TUT4: variants seen among roughly 807,000 people sequenced by gnomAD.
TUT4 encodes terminal uridylyltransferase 4.
In TUT4, 36 loss-of-function variants were observed where a neutral mutation model predicts 192.2. The ratio of observed to expected loss-of-function variants is 0.19; its 90% CI spans 0.14 to 0.25. The LOEUF (loss-of-function observed/expected upper bound fraction) is 0.25. Among genes scored for constraint, TUT4 ranks in the 10% least tolerant of loss-of-function variants. TUT4 has a pLI of 1.00. For synonymous variants in TUT4, 618 were observed against 666.0 expected (o/e 0.93, Z 1.11); for missense variants, 1,493 against 1,957.2 (o/e 0.76, Z 4.47).
At chr1:52,500,750 GA>G (rs1160687156) in intron 4 of TUT4, among the ~76,000 whole-genome samples, 2 of 151,762 alleles carry the variant, frequency 1.3e-5, no homozygotes, top group South Asian at 4.2e-4. Flanking sequence ...CAACAAGAAT[GA>G]AACTCTGTCT....
intron 28 of TUT4, 98 bp downstream of exon 28, chr1:52,430,915 C>T (rs1189233418): frequency 2.2e-6 from 3 of 1,370,866 alleles, no homozygotes; most frequent in East Asian, 4.7e-5. Flanking sequence ...GTCCCCTCCA[C>T]AAATACTGCT....
intron 16 of TUT4, chr1:52,462,781 G>A (rs1038902131): frequency 2.0e-6 from 2 of 985,056 alleles, no homozygotes; most frequent in Non-Finnish European, 2.4e-6. Context: ...AAATTTAAAT[G>A]TGTTACTCTT....
intron 25 of TUT4, chr1:52,437,739 G>A (rs1443619416): frequency 6.5e-6 from 1 of 152,830 alleles, no homozygotes; most frequent in Non-Finnish European, 1.5e-5. Context: ...CAGATCACGA[G>A]GTCAGGCGTT....
chr1:52,457,877 G>A (rs1661428209), intron 20 of TUT4, among the ~76,000 whole-genome samples: 1 of 152,148 alleles, frequency 6.6e-6, no homozygotes, highest in Admixed American at 6.5e-5. Context: ...AAGAGATAAG[G>A]AAGAGTTTCC....
intron 27 of TUT4, chr1:52,433,208 A>G (rs1194294809): frequency 6.6e-6 from 1 of 152,144 alleles, no homozygotes; most frequent in Admixed American, 6.6e-5. Context: ...AGCTGGGATG[A>G]CAGGTTCCCT....
chr1:52,552,227 C>T (rs1433403814), intron 1 of TUT4, among the ~76,000 whole-genome samples: 1 of 152,208 alleles, frequency 6.6e-6, no homozygotes, highest in Admixed American at 6.5e-5. Flanking sequence ...ACATCTCATT[C>T]TTTCGCAATC....
At chr1:52,468,414 T>G (rs1192309717) in intron 14 of TUT4, 147 bp from the exon 15 acceptor site, 2 of 605,974 alleles carry the variant, frequency 3.3e-6, no homozygotes, top group Non-Finnish European at 5.5e-6. Context: ...TAAATGTTAC[T>G]GGGGAAGGGT....
At position 52,497,238 on chromosome 1, in the gene TUT4, G is replaced by C. The variant is rs956181503; in HGVS notation, c.1000-55C>G. 1.1e-5 allele frequency: 16 copies of C among 1,469,456 alleles called. No homozygotes were observed. The South Asian group carries it at 1.1e-4, about 10-fold the overall frequency. The allele number at this position is 1,469,456 out of a possible 1,614,324, so 91.0% of individuals were successfully genotyped here. A position where few individuals can be genotyped will look rare whatever the true frequency, so the allele number is the denominator to read the frequency against. On this transcript the variant is annotated intron_variant, in intron 4 of 29. Coordinates refer to ENST00000257177, the MANE Select transcript of TUT4 (RefSeq NM_001009881.3). ...AACAAAAAAAGTTTCTATTTTAATT[G>C]TTCTTATATTTAGCAGGGAAAGACA...
At chr1:52,430,099 G>A (rs1029598102) in intron 28 of TUT4, among the ~76,000 whole-genome samples, 1 of 151,754 alleles carries the variant, frequency 6.6e-6, no homozygotes, top group Non-Finnish European at 1.5e-5. Flanking sequence ...TGAGATGATA[G>A]ATGATTTATT....
chr1:52,515,596 C>T (rs531854407), intron 3 of TUT4: 17 of 488,212 alleles, frequency 3.5e-5, no homozygotes, highest in African/African-American at 4.0e-5. Flanking sequence ...TTACCAAAAA[C>T]GGTGGGGAGA....
At chr1:52,434,161 T>C (rs1653002332) in intron 27 of TUT4, 1 of 152,228 alleles carries the variant, frequency 6.6e-6, no homozygotes, top group Non-Finnish European at 1.5e-5. Flanking sequence ...ACATAATAGG[T>C]ATTCAAGTGT....
chr1:52,453,726 C>T (rs142414675), intron 20 of TUT4, among the ~76,000 whole-genome samples: 161 of 152,242 alleles, frequency 1.1e-3, no homozygotes, highest in African/African-American at 3.6e-3. Flanking sequence ...TTAGGTAATG[C>T]TGACACTGGA....
intron 19 of TUT4, 114 bp downstream of exon 19, chr1:52,461,017 CTTT>C: frequency 1.3e-6 from 1 of 777,738 alleles, no homozygotes; most frequent in Non-Finnish European, 2.0e-6. Context: ...CTGAAAGTTT[CTTT>C]TTTAAAAGCT....
intron 8 of TUT4, 106 bp downstream of exon 8, chr1:52,490,626 C>A: frequency 1.2e-6 from 1 of 844,210 alleles, no homozygotes; most frequent in Non-Finnish European, 1.8e-6. Flanking sequence ...TCATATTCAT[C>A]CAAGGAGAAA....
rs115720510 is a variant in TUT4 at position 52,469,547 on chromosome 1, C to T, written c.2879-1280G>A. Among the ~76,000 whole-genome samples, 546 of 152,152 alleles carry T rather than the reference C, an allele frequency of 3.6e-3. 3 individuals are homozygous for T. The highest frequency in any genetic ancestry group is 0.013 in the African/African-American group (521 of 41,496). ...AAAACGAGCCATGTGGTAATGAGTT[C>T]GAGTTGGATATACCATTATGAAATC... is the stretch of plus-strand genomic sequence containing the variant. On this transcript the variant is annotated intron_variant, in intron 14 of 29. Transcript: ENST00000257177.
At chr1:52,483,850 T>C (rs1171868968) in intron 9 of TUT4, among the ~76,000 whole-genome samples, 3 of 152,050 alleles carry the variant, frequency 2.0e-5, no homozygotes, top group African/African-American at 7.2e-5. Context: ...TTTATTTATT[T>C]ATTGCAAGGT....
At chr1:52,458,163 T>C (rs1661501481) in intron 20 of TUT4, among the ~76,000 whole-genome samples, 173 bp downstream of exon 20, 1 of 152,188 alleles carries the variant, frequency 6.6e-6, no homozygotes, top group South Asian at 2.1e-4. Context: ...TATTCTCCCA[T>C]AATAAATTTT....
chr1:52,550,174 A>G (rs1355524837), intron 1 of TUT4, among the ~76,000 whole-genome samples: 1 of 152,196 alleles, frequency 6.6e-6, no homozygotes, highest in Non-Finnish European at 1.5e-5. Flanking sequence ...TTTCCCCCAA[A>G]TTATGTAATT....
chr1:52,475,041 T>TA lies in TUT4; in HGVS notation c.2517dup (p.Lys840Ter), dbSNP rs1666742091. On this transcript the variant is annotated frameshift_variant, in exon 13 of 30. Coordinates refer to ENST00000257177, the MANE Select transcript of TUT4 (RefSeq NM_001009881.3). LOFTEE classifies it high-confidence loss of function. ...GTAGATTTATCTGGGTCAGGCGACTTAGACAAATCAATGCAATTACATTGG... is the reference window on the plus strand; with the variant it reads ...GTAGATTTATCTGGGTCAGGCGACTTAAGACAAATCAATGCAATTACATTGG... 6.2e-7 allele frequency: 1 copy of TA among 1,614,066 alleles called. No homozygotes were observed.
Sources: allele counts gnomAD v4.1 joint callset (sites outside exome capture counted in the v4.1 genomes callset), GRCh38; gene constraint gnomAD v4.1.1; transcripts MANE v1.5; gene names NCBI Gene and HGNC (gene_info 2026-07-23, HGNC 2026-07-21).